The following PRAMEF11 variants were observed in gnomAD, a reference collection of about 807,000 sequenced individuals.
The protein encoded by PRAMEF11 is PRAME family member 11.
A neutral mutation model predicts 33.6 loss-of-function variants in PRAMEF11; 17 were observed. The observed-to-expected ratio is 0.51, with a 90% CI of 0.35 to 0.76. The LOEUF (loss-of-function observed/expected upper bound fraction) is 0.76. Ranked by LOEUF, PRAMEF11 falls within the 30% of genes least tolerant of loss-of-function variation. The pLI, the probability that PRAMEF11 is intolerant of heterozygous loss-of-function variation, is 0.01. For synonymous variants in PRAMEF11, 205 were observed against 227.3 expected, an observed-to-expected ratio of 0.90 and a Z score of 0.88; for missense variants, 568 against 567.0, an observed-to-expected ratio of 1.00 and a Z score of -0.02.
intron 3 of PRAMEF11, among the ~76,000 whole-genome samples, chr1:12,826,537 G>C (rs953496067): frequency 6.6e-6 from 1 of 151,142 alleles, no homozygotes; most frequent in African/African-American, 2.4e-5. Flanking sequence ...CAAGGTGGGT[G>C]GATCACCTGA....
rs551800796 is a variant in PRAMEF11, at chr1:12,827,482, C to T, written c.642G>A (p.Val214=). 6.2e-7 allele frequency: 1 copy of T among 1,611,208 alleles called. No individual in the cohort carries two copies. The highest frequency in any genetic ancestry group is 2.2e-5 in the East Asian group (1 of 44,588). The change falls in exon 3 of 4, where the codon GTG becomes GTA. Residue 214 remains valine, a synonymous_variant. Transcript: ENST00000619922. The stretch of plus-strand genomic sequence containing the variant: ...GGATGGGCAGTATCCACTTGCAATT[C>T]ACTTCCACCTCCTGGATACAGTCTA... ...VNLDCIQEVE[V]NCKWILPILT...
chr1:12,829,638 A>C (rs1404825616), intron 1 of PRAMEF11, among the ~76,000 whole-genome samples: 1 of 151,320 alleles, frequency 6.6e-6, no homozygotes, highest in Non-Finnish European at 1.5e-5. Flanking sequence ...TTGAACTCCT[A>C]GTCTCAAGCA....
intron 1 of PRAMEF11, among the ~76,000 whole-genome samples, chr1:12,830,696 A>AG: frequency 6.6e-6 from 1 of 150,856 alleles, no homozygotes; most frequent in East Asian, 2.0e-4. Flanking sequence ...TTAAAAAAAA[A>AG]AAAAGTAGAG....
chr1:12,825,612 G>C (rs550147287), intron 3 of PRAMEF11, 109 bp from the exon 4 acceptor site: 1 of 589,372 alleles, frequency 1.7e-6, no homozygotes, highest in Non-Finnish European at 2.9e-6. Flanking sequence ...CCAAGTCCAG[G>C]ATCATTCTCA....
At chr1:12,826,597 A>G (rs947706825) in intron 3 of PRAMEF11, among the ~76,000 whole-genome samples, 5 of 151,112 alleles carry the variant, frequency 3.3e-5, no homozygotes, top group African/African-American at 1.2e-4. Flanking sequence ...ACCTGTCTCT[A>G]CTTAAAATAT....
chr1:12,827,350 A>G lies in PRAMEF11; in HGVS notation c.774T>C (p.Ile258=), dbSNP rs1431078025. 4 of 1,600,104 alleles carry G rather than the reference A, an allele frequency of 2.5e-6. No individual in the cohort carries two copies. Among genetic ancestry groups the G allele is most frequent in the Non-Finnish European group, 3.4e-6 (4 of 1,178,372 alleles). ...RYVSPEQKKE[I]VTQFTTQFLK... ...GGAACTGAGTGGTGAACTGGGTAAC[A>G]ATCTCCTTCTTCTGCTCTGGGGAAA... The change falls in exon 3 of 4, where the codon ATT becomes ATC. Residue 258 remains isoleucine, a synonymous_variant. Coordinates refer to ENST00000619922, the MANE Select transcript of PRAMEF11 (RefSeq NM_001146344.3).
At chr1:12,829,275 T>C (rs1363126544) in intron 1 of PRAMEF11, among the ~76,000 whole-genome samples, 2 of 150,462 alleles carry the variant, frequency 1.3e-5, no homozygotes, top group African/African-American at 4.9e-5. Flanking sequence ...TTTCTCTTTC[T>C]CTCTTTCTTT....
At chr1:12,828,120 G>A (rs1639915548) in intron 2 of PRAMEF11, among the ~76,000 whole-genome samples, 1 of 149,496 alleles carries the variant, frequency 6.7e-6, no homozygotes, top group Admixed American at 6.7e-5. Context: ...CAAGTAGCTG[G>A]GATTACAGGA....
In PRAMEF11 at chr1:12,824,714, T is replaced by A. The variant is rs1270554263; in HGVS notation, c.*228A>T. The A allele has an allele frequency of 1.6e-6, 1 of 612,816 alleles. No homozygotes were observed. Among genetic ancestry groups the A allele is most frequent in the Non-Finnish European group, 2.8e-6 (1 of 359,688 alleles). The allele number at this position is 612,816 out of a possible 1,614,324, so 38.0% of individuals were successfully genotyped here. On this transcript the variant is annotated 3_prime_UTR_variant, in exon 4 of 4. Coordinates refer to ENST00000619922, the MANE Select transcript of PRAMEF11 (RefSeq NM_001146344.3). ...TGAATTCCACTCTAGACATTCAGAT[T>A]CCCATTTTCGACTCTACAGGATACA...
At position 12,825,405 on chromosome 1, in the gene PRAMEF11, A is replaced by C; in HGVS notation, c.974T>G (p.Leu325Arg). Residue 325 changes from leucine (L) to arginine (R), a missense_variant, in exon 4 of 4, where the codon CTA becomes CGA. Transcript: ENST00000619922. The stretch of plus-strand genomic sequence containing the variant: ...GATGCCACTCAGGTCCAGGGTCTTT[A>C]GTTGACTGATACTCGGGCACTGGGA... ...HLSQCPSISQ[L>R]KTLDLSGIRL... 4.8e-6 allele frequency: 6 copies of C among 1,255,436 alleles called. No individual in the cohort carries two copies. Among genetic ancestry groups the C allele is most frequent in the Non-Finnish European group, 6.7e-6 (6 of 895,722 alleles). The allele number at this position is 1,255,436 out of a possible 1,614,324, so 77.8% of individuals were successfully genotyped here.
chr1:12,829,285 T>C (rs116050814), intron 1 of PRAMEF11, among the ~76,000 whole-genome samples: 4 of 148,654 alleles, frequency 2.7e-5, no homozygotes, highest in Non-Finnish European at 4.5e-5. Context: ...TCTCTTTCTT[T>C]TTTCCTTCTT....
chr1:12,828,950 A>G, intron 1 of PRAMEF11, 145 bp from the exon 2 acceptor site: 1 of 1,164,012 alleles, frequency 8.6e-7, no homozygotes, highest in African/African-American at 1.5e-5. Flanking sequence ...CTCAGTGGCC[A>G]TTAAGCCAGC....
In PRAMEF11 at chr1:12,828,814, G is replaced by A. The variant is rs768841518; in HGVS notation, c.-16-9C>T. 4 of 1,608,434 alleles carry A rather than the reference G, an allele frequency of 2.5e-6. No individual in the cohort carries two copies. The highest frequency in any genetic ancestry group is 2.5e-6 in the Non-Finnish European group (3 of 1,177,782). On this transcript the variant is annotated splice_polypyrimidine_tract_variant and intron_variant, in intron 1 of 3. Transcript: ENST00000619922. Reference sequence around the variant, plus strand: ...TGAATCTGCAGGGAAAACTTCCAGAGGACAAACCCAGAGAAAAGGCATCAC... The same window carrying A: ...TGAATCTGCAGGGAAAACTTCCAGAAGACAAACCCAGAGAAAAGGCATCAC...
intron 1 of PRAMEF11, among the ~76,000 whole-genome samples, chr1:12,831,099 C>G (rs1241303563): frequency 6.6e-6 from 1 of 150,906 alleles, no homozygotes; most frequent in African/African-American, 2.4e-5. Context: ...TTTGGCCTCC[C>G]AATGTGTTGG....
intron 2 of PRAMEF11, 111 bp from the exon 3 acceptor site, chr1:12,827,941 G>C (rs55720661): frequency 0.033 from 50,849 of 1,551,298 alleles, 1,792 homozygotes; most frequent in African/African-American, 0.048. Context: ...CTCTCTCTGA[G>C]TTTTCTTCAC....
At chr1:12,825,981 A>T (rs1284973228) in intron 3 of PRAMEF11, among the ~76,000 whole-genome samples, 3 of 150,024 alleles carry the variant, frequency 2.0e-5, no homozygotes, top group Admixed American at 6.7e-5. Flanking sequence ...TAAAAAAAAA[A>T]AAAGGAGAAA....
At chr1:12,830,405 A>C (rs1639980637) in intron 1 of PRAMEF11, among the ~76,000 whole-genome samples, 1 of 151,354 alleles carries the variant, frequency 6.6e-6, no homozygotes, top group African/African-American at 2.4e-5. Flanking sequence ...CTCATGCTTC[A>C]GCCTTCCACG....
At chr1:12,830,285 G>T (rs770546664) in intron 1 of PRAMEF11, among the ~76,000 whole-genome samples, 4 of 151,126 alleles carry the variant, frequency 2.6e-5, no homozygotes, top group African/African-American at 9.7e-5. Flanking sequence ...CCTAGGTGGC[G>T]TAATTCTTTT....
rs1484233714 is a variant in PRAMEF11 at position 12,825,112 on chromosome 1, C to T, written c.1267G>A (p.Gly423Ser). Reference sequence around the variant, plus strand: ...CTCCAGCAGAGAGTACCATCAGCACCATAACTTTCCTGCGGGGCAGGATAC... The same window carrying T: ...CTCCAGCAGAGAGTACCATCAGCACTATAACTTTCCTGCGGGGCAGGATAC... ...ELYPAPQESY[G>S]ADGTLCWSRF... The change falls in exon 4 of 4, where the codon GGT (glycine) becomes AGT (serine). Residue 423 changes from glycine to serine, a missense_variant. Coordinates refer to ENST00000619922, the MANE Select transcript of PRAMEF11 (RefSeq NM_001146344.3). 5 of 1,609,492 alleles carry T rather than the reference C, an allele frequency of 3.1e-6. 1 individual carries two copies. The highest frequency in any genetic ancestry group is 1.1e-5 in the South Asian group (1 of 90,504).
Sources: allele counts gnomAD v4.1 joint callset (sites outside exome capture counted in the v4.1 genomes callset), GRCh38; gene constraint gnomAD v4.1.1; transcripts MANE v1.5; gene names NCBI Gene and HGNC (gene_info 2026-07-23, HGNC 2026-07-21).